MAPK8: variants seen among roughly 807,000 people sequenced by gnomAD.
MAPK8 encodes the protein JUN N-terminal kinase.
In MAPK8, 13 loss-of-function variants were observed where a neutral mutation model predicts 52.9. That is an observed-to-expected ratio of 0.25 (90% CI 0.16 to 0.39). The LOEUF is 0.39. MAPK8 is among the 10% of genes least tolerant of loss of function. The probability of loss-of-function intolerance (pLI) is 1.00; values close to 1 mark genes in which losing one functional copy is unlikely to be tolerated. For synonymous variants in MAPK8, 191 were observed against 169.8 expected, an observed-to-expected ratio of 1.12 and a Z score of -0.97; for missense variants, 300 against 519.2, an observed-to-expected ratio of 0.58 and a Z score of 4.10.
At chr10:48,320,162 A>C (rs970834774) in intron 1 of MAPK8, among the ~76,000 whole-genome samples, 10 of 107,806 alleles carry the variant, frequency 9.3e-5, no homozygotes, top group Non-Finnish European at 1.6e-4. Flanking sequence ...GTGATCCCCC[A>C]CCTTGGCCTC....
At chr10:48,369,895 T>C (rs1162358935) in intron 1 of MAPK8, among the ~76,000 whole-genome samples, 1 of 152,088 alleles carries the variant, frequency 6.6e-6, no homozygotes, top group East Asian at 1.9e-4. Context: ...ATGAGCTTAA[T>C]GGGATTGGTG....
intron 1 of MAPK8, among the ~76,000 whole-genome samples, chr10:48,349,926 A>G (rs1025081032): frequency 1.3e-5 from 2 of 152,248 alleles, no homozygotes; most frequent in Admixed American, 6.5e-5. Flanking sequence ...AAAAAATGAT[A>G]AAGGTGATAT....
chr10:48,435,043 CGGGGGGTGGGAGGGAT>C lies in MAPK8; in HGVS notation c.*19_*34del. 1.6e-5 allele frequency: 4 copies of C among 248,610 alleles called. No individual in the cohort carries two copies. Among genetic ancestry groups the C allele is most frequent in the Non-Finnish European group, 2.3e-5 (3 of 131,252 alleles). 15.4% of individuals were successfully genotyped at this position (248,610 alleles called of 1,614,324 possible). A position where few individuals can be genotyped will look rare whatever the true frequency, so the allele number is the denominator to read the frequency against. Reference sequence around the variant, plus strand: ...TGCTGTAGATGACTACTTGGGCCATCGGGGGGTGGGAGGGATGGGGAGTCGGTTAGTCATTGATAGA... The same window carrying C: ...TGCTGTAGATGACTACTTGGGCCATCGGGGAGTCGGTTAGTCATTGATAGA... On this transcript the variant is annotated 3_prime_UTR_variant, in exon 12 of 12. Coordinates refer to ENST00000374189, the MANE Select transcript of MAPK8 (RefSeq NM_001323329.2).
intron 1 of MAPK8, among the ~76,000 whole-genome samples, chr10:48,362,833 C>T (rs1455601019): frequency 7.9e-5 from 12 of 151,070 alleles, no homozygotes; most frequent in African/African-American, 1.9e-4. Context: ...CTCCACCTCC[C>T]GGGTTCAAAC....
At chr10:48,426,619 TG>T in intron 9 of MAPK8, 115 bp downstream of exon 9, 1 of 936,986 alleles carries the variant, frequency 1.1e-6, no homozygotes. Context: ...ATGATGATGA[TG>T]TTTTTCTGTT....
At chr10:48,396,131 T>A (rs1284214610) in intron 1 of MAPK8, among the ~76,000 whole-genome samples, 1 of 152,056 alleles carries the variant, frequency 6.6e-6, no homozygotes, top group Non-Finnish European at 1.5e-5. Context: ...ACTTTTACTC[T>A]GTGAAAGACA....
chr10:48,382,542 A>G (rs1284514976), intron 1 of MAPK8, among the ~76,000 whole-genome samples: 1 of 152,040 alleles, frequency 6.6e-6, no homozygotes, highest in Non-Finnish European at 1.5e-5. Context: ...ATTGGATTCA[A>G]AGTTCATAAA....
At position 48,437,445 on chromosome 10, in the gene MAPK8, A is replaced by T. The variant is rs1313226116; in HGVS notation, c.*2416A>T. 6.6e-6 allele frequency: 1 copy of T among 152,108 alleles called. No individual in the cohort carries two copies. Among genetic ancestry groups the T allele is most frequent in the Non-Finnish European group, 1.5e-5 (1 of 68,002 alleles). The allele number at this position is 152,108 out of a possible 1,614,324, so 9.4% of individuals were successfully genotyped here. On this transcript the variant is annotated 3_prime_UTR_variant, in exon 12 of 12. Transcript: ENST00000374189. ...CTTATTCTATAATTTTGATTTTTCA[A>T]TTTTATATACTTAATATACTCACTG...
intron 1 of MAPK8, among the ~76,000 whole-genome samples, chr10:48,378,685 A>G (rs1564553075): frequency 6.6e-6 from 1 of 152,058 alleles, no homozygotes; most frequent in Non-Finnish European, 1.5e-5. Flanking sequence ...TTTTCTTATG[A>G]AACGTGATTT....
intron 3 of MAPK8, among the ~76,000 whole-genome samples, chr10:48,408,106 G>A (rs771294457): frequency 1.3e-5 from 2 of 152,096 alleles, no homozygotes; most frequent in Non-Finnish European, 2.9e-5. Context: ...CATCAATTCT[G>A]CCCTTATAAA....
intron 1 of MAPK8, among the ~76,000 whole-genome samples, chr10:48,326,253 T>C (rs1427411444): frequency 7.2e-5 from 11 of 152,244 alleles, no homozygotes; most frequent in Non-Finnish European, 1.5e-4. Flanking sequence ...TATGGACTCA[T>C]GGTTGCTTAT....
At chr10:48,378,820 C>T (rs761455210) in intron 1 of MAPK8, among the ~76,000 whole-genome samples, 4 of 151,988 alleles carry the variant, frequency 2.6e-5, no homozygotes, top group South Asian at 2.1e-4. Flanking sequence ...GGCTGTTGTG[C>T]AGTGGCATGA....
chr10:48,377,360 T>TA (rs60365634), intron 1 of MAPK8, among the ~76,000 whole-genome samples: 117,445 of 150,518 alleles, frequency 0.78, 45,818 homozygotes, highest in Middle Eastern at 0.89. Context: ...AAGTATAATT[T>TA]AAAAAAAAAA....
chr10:48,425,831 A>ACATTCT lies in MAPK8; in HGVS notation c.689-57_689-56insCATTCT. The stretch of plus-strand genomic sequence containing the variant: ...ATTTCTATTTTCTTGTAATATGAAT[A>ACATTCT]TGACTAATGTATTGAACATTAGTTA... On this transcript the variant is annotated intron_variant, in intron 7 of 11. Transcript: ENST00000374189. The ACATTCT allele has an allele frequency of 2.8e-5, 23 of 818,910 alleles. No individual in the cohort carries two copies. The South Asian group carries it at 4.3e-4, about 15-fold the overall frequency. The allele number at this position is 818,910 out of a possible 1,614,324, so 50.7% of individuals were successfully genotyped here.
At chr10:48,332,473 A>T (rs1276395469) in intron 1 of MAPK8, among the ~76,000 whole-genome samples, 1 of 151,978 alleles carries the variant, frequency 6.6e-6, no homozygotes, top group African/African-American at 2.4e-5. Flanking sequence ...GGGTTTACTT[A>T]TTTTTCTTCC....
chr10:48,330,088 A>G (rs976742196), intron 1 of MAPK8, among the ~76,000 whole-genome samples: 4 of 152,230 alleles, frequency 2.6e-5, no homozygotes, highest in African/African-American at 7.2e-5. Flanking sequence ...ACACACATGT[A>G]TAATTTGTAA....
At chr10:48,342,556 G>A (rs998437000) in intron 1 of MAPK8, among the ~76,000 whole-genome samples, 2 of 152,176 alleles carry the variant, frequency 1.3e-5, no homozygotes, top group Non-Finnish European at 2.9e-5. Flanking sequence ...ATAGAATATG[G>A]CAAACCTATT....
intron 1 of MAPK8, among the ~76,000 whole-genome samples, chr10:48,334,691 G>A (rs1036997516): frequency 1.4e-4 from 21 of 152,052 alleles, no homozygotes; most frequent in African/African-American, 3.1e-4. Context: ...ACTCTACGCA[G>A]GCATAAAGAT....
chr10:48,420,412 GTTGAGTTAAA>G lies in MAPK8; in HGVS notation c.616+94_616+103del, dbSNP rs2043287505. 3.3e-6 allele frequency: 4 copies of G among 1,213,102 alleles called. No homozygotes were observed. The Admixed American group carries it at 9.4e-5, about 29-fold the overall frequency. The allele number at this position is 1,213,102 out of a possible 1,614,324, so 75.1% of individuals were successfully genotyped here. A position where few individuals can be genotyped will look rare whatever the true frequency, so the allele number is the denominator to read the frequency against. On this transcript the variant is annotated intron_variant, in intron 6 of 11. Coordinates refer to ENST00000374189, the MANE Select transcript of MAPK8 (RefSeq NM_001323329.2). ...AATGTAAATACTTAAGCAGAAGTAC[GTTGAGTTAAA>G]TGTGTATCATTGTTTGAAATGTGTA...
Sources: allele counts gnomAD v4.1 joint callset (sites outside exome capture counted in the v4.1 genomes callset), GRCh38; gene constraint gnomAD v4.1.1; transcripts MANE v1.5; gene names NCBI Gene and HGNC (gene_info 2026-07-23, HGNC 2026-07-21).